The following CLDN14 variants were observed in gnomAD, a reference collection of about 807,000 sequenced individuals.
The protein encoded by CLDN14 is claudin-14.
Under a neutral mutation model 2.1 loss-of-function variants are expected in CLDN14, and 2 were observed. The observed-to-expected ratio is 0.96, with a 90% CI of 0.39 to 3.01. The LOEUF is 3.01. Among genes scored for constraint, CLDN14 ranks in the 30% most tolerant of loss-of-function variants. The pLI, the probability that CLDN14 is intolerant of heterozygous loss-of-function variation, is 0.09. For missense variants in CLDN14, 298 were observed against 328.0 expected (o/e 0.91, Z 0.71); for synonymous variants, 136 against 154.4 (o/e 0.88, Z 0.88).
At chr21:36,565,001 C>T (rs957710587) in intron 1 of CLDN14, among the ~76,000 whole-genome samples, 2 of 152,230 alleles carry the variant, frequency 1.3e-5, no homozygotes, top group African/African-American at 4.8e-5. Flanking sequence ...GATCACAACC[C>T]AGTGAGCCTC....
intron 1 of CLDN14, among the ~76,000 whole-genome samples, chr21:36,512,451 A>G (rs946917073): frequency 6.6e-6 from 1 of 152,260 alleles, no homozygotes; most frequent in East Asian, 1.9e-4. Flanking sequence ...TAGGAAAAGT[A>G]TGGCATGCTC....
In CLDN14 at chr21:36,486,109, C is replaced by T. The variant is rs113240027; in HGVS notation, c.-82+24254G>A. ...CACCTGGGAGGTTCTCCAGGACACT[C>T]TGAAGGAACTCAGGATCCTGCATCA... On this transcript the variant is annotated intron_variant, in intron 2 of 2. Transcript: ENST00000342108. 1,341 of 1,345,602 alleles carry T rather than the reference C, an allele frequency of 1.0e-3. 10 individuals are homozygous for T. In the African/African-American group the frequency reaches 0.014, roughly 14 times the overall value. The allele number at this position is 1,345,602 out of a possible 1,614,324, so 83.4% of individuals were successfully genotyped here. A position where few individuals can be genotyped will look rare whatever the true frequency, so the allele number is the denominator to read the frequency against.
chr21:36,510,043 A>G (rs1250345187), intron 2 of CLDN14, among the ~76,000 whole-genome samples: 5 of 152,340 alleles, frequency 3.3e-5, no homozygotes, highest in East Asian at 3.9e-4. Context: ...CCTTTGCTAC[A>G]GCAAATGGTG....
In CLDN14 at chr21:36,477,045, C is replaced by T. The variant is rs145540140; in HGVS notation, c.-82+2450G>A. ...ACCAGGCCCTGTAGGTTACCTTTGC[C>T]TGCTCTCAGGACTTGCTAGATAATT... On this transcript the variant is annotated intron_variant, in intron 1 of 1. Transcript: ENST00000399135. Among the ~76,000 whole-genome samples the T allele has an allele frequency of 4.4e-3, 674 of 152,366 alleles. 5 individuals are homozygous for T. Among genetic ancestry groups the T allele is most frequent in the South Asian group, 0.018 (89 of 4,828 alleles).
intron 1 of CLDN14, among the ~76,000 whole-genome samples, chr21:36,575,653 T>C (rs2087737002): frequency 6.6e-6 from 1 of 152,212 alleles, no homozygotes; most frequent in African/African-American, 2.4e-5. Flanking sequence ...GCATGAAACA[T>C]GGACAATGTT....
At chr21:36,566,385 TAGG>T (rs2087672966) in intron 1 of CLDN14, among the ~76,000 whole-genome samples, 1 of 152,218 alleles carries the variant, frequency 6.6e-6, no homozygotes, top group South Asian at 2.1e-4. Context: ...ATCTCTGACT[TAGG>T]AGGAGACTTA....
chr21:36,507,370 G>A (rs781518491), intron 2 of CLDN14, among the ~76,000 whole-genome samples: 1 of 152,176 alleles, frequency 6.6e-6, no homozygotes, highest in Admixed American at 6.5e-5. Context: ...AGGGATTGTG[G>A]CCATCACCAG....
intron 2 of CLDN14, among the ~76,000 whole-genome samples, chr21:36,489,943 C>T (rs548558024): frequency 3.9e-4 from 59 of 152,328 alleles, no homozygotes; most frequent in African/African-American, 1.2e-3. Context: ...GAGCCCTCAA[C>T]CAGGAGCCGT....
intron 1 of CLDN14, among the ~76,000 whole-genome samples, chr21:36,557,673 T>C (rs912781414): frequency 5.3e-5 from 8 of 152,244 alleles, no homozygotes; most frequent in Non-Finnish European, 2.9e-5. Flanking sequence ...TTCTCTTATA[T>C]ATTTTGGAGA....
chr21:36,567,110 G>T (rs1013535391), intron 1 of CLDN14, among the ~76,000 whole-genome samples: 1 of 152,218 alleles, frequency 6.6e-6, no homozygotes, highest in African/African-American at 2.4e-5. Context: ...CAAAGTCAGC[G>T]AGAAAAGACA....
intron 1 of CLDN14, among the ~76,000 whole-genome samples, chr21:36,523,776 A>G (rs2087294738): frequency 2.7e-5 from 1 of 36,778 alleles, no homozygotes; most frequent in African/African-American, 6.9e-5. Flanking sequence ...AGAAAGAGAG[A>G]AAGAGAGAAA....
chr21:36,515,818 A>C (rs201492731), intron 1 of CLDN14, among the ~76,000 whole-genome samples: 3 of 113,006 alleles, frequency 2.7e-5, no homozygotes, highest in East Asian at 2.4e-4. Context: ...ACAGAGTCTC[A>C]CTCTGTCACC....
chr21:36,469,752 C>G (rs1039523347), intron 1 of CLDN14, among the ~76,000 whole-genome samples: 3 of 152,182 alleles, frequency 2.0e-5, no homozygotes. Context: ...ACCATGACCA[C>G]AAAAATTAAA....
Position 36,499,678 on chromosome 21 carries a change from G to A in CLDN14, c.-82+10685C>T, listed in dbSNP as rs528131867. Among the ~76,000 whole-genome samples, 38 of 152,286 alleles carry A rather than the reference G, an allele frequency of 2.5e-4. No homozygotes were observed. Among genetic ancestry groups the A allele is most frequent in the Non-Finnish European group, 5.0e-4 (34 of 68,018 alleles). ...CGTGACTCTTATGCATCATGATGTT[G>A]AGATTCACTGATTTAGACACGCAGA... On this transcript the variant is annotated intron_variant, in intron 2 of 2. Coordinates refer to the CLDN14 transcript ENST00000342108. This position sits in a 1 kb window ranked among gnomAD's most constrained non-coding sequence, Gnocchi z 4.7.
rs979398896 is a variant in CLDN14, at chr21:36,479,804, T to C, written c.-391A>G. 6.6e-6 allele frequency: 1 copy of C among 152,154 alleles called. No homozygotes were observed. The highest frequency in any genetic ancestry group is 1.5e-5 in the Non-Finnish European group (1 of 68,056). The allele number at this position is 152,154 out of a possible 1,614,324, so 9.4% of individuals were successfully genotyped here. On this transcript the variant is annotated 5_prime_UTR_variant, in exon 1 of 2. Transcript: ENST00000399135. ...CCAACCAGAAATGTCATTTCTGCAC[T>C]GTGGAAAAAAAATGCACGATACACC...
chr21:36,462,087 A>G (rs932561216), intron 1 of CLDN14, among the ~76,000 whole-genome samples: 6 of 152,130 alleles, frequency 3.9e-5, no homozygotes, highest in Non-Finnish European at 5.9e-5. Flanking sequence ...TTCCTGGTTC[A>G]TCAGTAACCA....
intron 2 of CLDN14, among the ~76,000 whole-genome samples, chr21:36,493,113 C>T (rs184998016): frequency 1.5e-4 from 23 of 152,250 alleles, no homozygotes; most frequent in African/African-American, 5.3e-4. Context: ...TTTTGTTTAC[C>T]GGTTTGTTTT....
chr21:36,500,278 G>A (rs547102145), intron 2 of CLDN14, among the ~76,000 whole-genome samples: 2 of 152,238 alleles, frequency 1.3e-5, no homozygotes, highest in South Asian at 4.2e-4. Flanking sequence ...CTGAGGTCAG[G>A]CTGGGCACCA....
At chr21:36,568,924 T>G (rs1271220623) in intron 1 of CLDN14, among the ~76,000 whole-genome samples, 1 of 152,226 alleles carries the variant, frequency 6.6e-6, no homozygotes, top group Non-Finnish European at 1.5e-5. Context: ...GTTTGACTTT[T>G]TTATTATTCA....
Sources: allele counts gnomAD v4.1 joint callset (sites outside exome capture counted in the v4.1 genomes callset), GRCh38; gene constraint gnomAD v4.1.1; non-coding constraint Gnocchi (gnomAD v3.1); transcripts MANE v1.5; gene names NCBI Gene and HGNC (gene_info 2026-07-23, HGNC 2026-07-21).